Variants in CPE observed in about 807,000 individuals in gnomAD.
CPE encodes carboxypeptidase E.
Under a neutral mutation model 53.5 loss-of-function variants are expected in CPE, and 17 were observed. The ratio of observed to expected loss-of-function variants is 0.32; its 90% CI spans 0.22 to 0.48. The LOEUF is 0.48. CPE is among the 20% of genes least tolerant of loss of function. The pLI is 0.99. For synonymous variants in CPE, 226 were observed against 228.8 expected, an observed-to-expected ratio of 0.99 and a Z score of 0.11; for missense variants, 524 against 614.7, an observed-to-expected ratio of 0.85 and a Z score of 1.56.
chr4:165,403,329 A>G (rs11732933), intron 1 of CPE, among the ~76,000 whole-genome samples: 40,335 of 152,164 alleles, frequency 0.27, 5,586 homozygotes, highest in Middle Eastern at 0.38. Flanking sequence ...AAATTAAAAA[A>G]AAAATCATAT....
intron 1 of CPE, among the ~76,000 whole-genome samples, chr4:165,435,946 A>G (rs1560881523): frequency 2.0e-5 from 3 of 152,130 alleles, no homozygotes; most frequent in Non-Finnish European, 2.9e-5. Context: ...TTTCCTTCAT[A>G]GAACACTTTT....
At chr4:165,455,412 T>C (rs1731883565) in intron 1 of CPE, among the ~76,000 whole-genome samples, 1 of 152,184 alleles carries the variant, frequency 6.6e-6, no homozygotes, top group Non-Finnish European at 1.5e-5. Flanking sequence ...TTCTAAAAGA[T>C]GCTTCAAGGT....
At chr4:165,399,297 G>A (rs546903091) in intron 1 of CPE, among the ~76,000 whole-genome samples, 38 of 152,272 alleles carry the variant, frequency 2.5e-4, no homozygotes, top group Non-Finnish European at 4.6e-4. Context: ...GATGTCAAAT[G>A]CATCTATTCT....
rs183933537 is a variant in CPE at position 165,456,823 on chromosome 4, C to A, written c.308-7567C>A. Among the ~76,000 whole-genome samples, 540 of 149,168 alleles carry A rather than the reference C, an allele frequency of 3.6e-3. 2 individuals carry two copies. The highest frequency in any genetic ancestry group is 0.012 in the African/African-American group (496 of 40,254). On this transcript the variant is annotated intron_variant, in intron 1 of 8. Transcript: ENST00000402744. ...GTGGCACGATCTTGGCTCACTGCAACCTCCACCTCCCAGGTTTAAGCAGTT... is the reference window on the plus strand; with the variant it reads ...GTGGCACGATCTTGGCTCACTGCAAACTCCACCTCCCAGGTTTAAGCAGTT...
intron 5 of CPE, 61 bp downstream of exon 5, chr4:165,484,665 G>A: frequency 7.0e-7 from 1 of 1,423,140 alleles, no homozygotes; most frequent in Non-Finnish European, 9.6e-7. Flanking sequence ...GACCATTTAG[G>A]TTTAGAGAGT....
intron 1 of CPE, among the ~76,000 whole-genome samples, chr4:165,385,627 T>A (rs1730579432): frequency 6.6e-6 from 1 of 151,960 alleles, no homozygotes; most frequent in South Asian, 2.1e-4. Context: ...TTATCAATTT[T>A]AAAATGTGGG....
At chr4:165,475,828 A>C (rs1732289777) in intron 3 of CPE, among the ~76,000 whole-genome samples, 1 of 152,138 alleles carries the variant, frequency 6.6e-6, no homozygotes, top group Non-Finnish European at 1.5e-5. Flanking sequence ...CGAGCCACCC[A>C]TTAGAGTGAA....
intron 1 of CPE, among the ~76,000 whole-genome samples, chr4:165,389,977 G>A (rs753745195): frequency 4.2e-4 from 64 of 152,164 alleles, no homozygotes; most frequent in Non-Finnish European, 6.8e-4. Context: ...TTGATGTGTT[G>A]TTGAAAGTGG....
At chr4:165,388,221 G>A (rs1042846114) in intron 1 of CPE, among the ~76,000 whole-genome samples, 7 of 152,192 alleles carry the variant, frequency 4.6e-5, no homozygotes, top group Non-Finnish European at 5.9e-5. Flanking sequence ...CATGAGTTCA[G>A]GGTAGTGAAA....
chr4:165,454,329 T>C (rs1462660528), intron 1 of CPE, among the ~76,000 whole-genome samples: 1 of 151,982 alleles, frequency 6.6e-6, no homozygotes. Flanking sequence ...CAGTGCATGT[T>C]CGACACCGCA....
At chr4:165,420,810 ATAAT>A (rs1229302856) in intron 1 of CPE, among the ~76,000 whole-genome samples, 1 of 152,146 alleles carries the variant, frequency 6.6e-6, no homozygotes, top group Non-Finnish European at 1.5e-5. Context: ...AGCATTTGGA[ATAAT>A]TAGTTTTTAT....
chr4:165,424,125 AT>A (rs71602591), intron 1 of CPE, among the ~76,000 whole-genome samples: 5 of 150,546 alleles, frequency 3.3e-5, no homozygotes, highest in East Asian at 2.0e-4. Flanking sequence ...TTCTTGCTGC[AT>A]TTTTTTTTAG....
chr4:165,420,235 G>T (rs1731186530), intron 1 of CPE, among the ~76,000 whole-genome samples: 1 of 151,890 alleles, frequency 6.6e-6, no homozygotes, highest in African/African-American at 2.4e-5. Flanking sequence ...TTTATTCTGA[G>T]TGAAAATGCA....
At chr4:165,405,608 T>A (rs776536481) in intron 1 of CPE, 2 of 790,630 alleles carry the variant, frequency 2.5e-6, no homozygotes, top group Non-Finnish European at 4.6e-6. Flanking sequence ...AGAGATCTTC[T>A]TATCAGCTAG....
intron 1 of CPE, among the ~76,000 whole-genome samples, chr4:165,411,923 C>G (rs902817884): frequency 1.3e-5 from 2 of 152,048 alleles, no homozygotes; most frequent in Non-Finnish European, 1.5e-5. Flanking sequence ...CTACGTTCCT[C>G]CAGGAGGAGG....
intron 1 of CPE, among the ~76,000 whole-genome samples, chr4:165,395,048 G>C (rs1435569707): frequency 6.6e-6 from 1 of 152,090 alleles, no homozygotes; most frequent in Admixed American, 6.5e-5. Context: ...TTTTTGTTTT[G>C]ATTTTTGTCC....
intron 1 of CPE, among the ~76,000 whole-genome samples, chr4:165,462,749 C>T (rs536433234): frequency 6.6e-6 from 1 of 152,222 alleles, no homozygotes; most frequent in East Asian, 1.9e-4. Context: ...GACTCTCCCT[C>T]AAAGTAAAAA....
At chr4:165,479,848 C>T (rs1253615957) in intron 3 of CPE, among the ~76,000 whole-genome samples, 2 of 151,884 alleles carry the variant, frequency 1.3e-5, no homozygotes, top group Non-Finnish European at 2.9e-5. Flanking sequence ...AAAAATTAGC[C>T]AGGTGTGGTG....
At chr4:165,439,178 G>A (rs1330371824) in intron 1 of CPE, among the ~76,000 whole-genome samples, 8 of 152,118 alleles carry the variant, frequency 5.3e-5, no homozygotes, top group South Asian at 4.1e-4. Context: ...TTGAAAAACC[G>A]ACCAACCAAC....
Sources: gnomAD v4.1 joint callset for allele counts (sites outside exome capture counted in the v4.1 genomes callset) on GRCh38, gnomAD v4.1.1 for gene constraint, MANE v1.5 for transcripts, NCBI Gene and HGNC (gene_info 2026-07-23, HGNC 2026-07-21) for gene names.